SYT1: variants seen among roughly 807,000 people sequenced by gnomAD.
SYT1 encodes synaptotagmin 1, also known as synaptotagmin-1.
In SYT1, 8 loss-of-function variants were observed where a neutral mutation model predicts 44.8. The observed-to-expected ratio is 0.18, with a 90% CI of 0.10 to 0.32. The LOEUF is 0.32. SYT1 is among the 10% of genes least tolerant of loss of function. SYT1 has a pLI of 1.00. For synonymous variants in SYT1, 154 were observed against 188.8 expected (o/e 0.82, Z 1.51); for missense variants, 286 against 509.3 (o/e 0.56, Z 4.22).
intron 3 of SYT1, among the ~76,000 whole-genome samples, chr12:79,145,746 T>TG (rs1565825810): frequency 2.6e-4 from 34 of 129,020 alleles, no homozygotes; most frequent in African/African-American, 1.0e-3. Flanking sequence ...GGTTTTTTTT[T>TG]TTTTTTGTTT....
chr12:79,229,753 C>G (rs1875751541), intron 4 of SYT1, among the ~76,000 whole-genome samples: 1 of 152,008 alleles, frequency 6.6e-6, no homozygotes, highest in South Asian at 2.1e-4. Flanking sequence ...ACCACCATGC[C>G]TGGCTAATTT....
intron 3 of SYT1, among the ~76,000 whole-genome samples, chr12:79,190,035 T>C (rs946677347): frequency 1.3e-5 from 2 of 152,200 alleles, no homozygotes; most frequent in Non-Finnish European, 2.9e-5. Context: ...TATTTTGCCT[T>C]CCACTCTGGT....
At chr12:79,157,835 A>G (rs191758303) in intron 3 of SYT1, among the ~76,000 whole-genome samples, 3 of 152,304 alleles carry the variant, frequency 2.0e-5, no homozygotes, top group Admixed American at 2.0e-4. Context: ...GGTTGCTATT[A>G]TTATCCCCCA....
intron 9 of SYT1, among the ~76,000 whole-genome samples, chr12:79,412,808 C>T (rs980772584): frequency 1.3e-5 from 2 of 152,178 alleles, no homozygotes; most frequent in African/African-American, 2.4e-5. Context: ...TACATTGTTA[C>T]CCTACTATCT....
chr12:79,199,727 A>G (rs956202068), intron 3 of SYT1, among the ~76,000 whole-genome samples: 1 of 152,198 alleles, frequency 6.6e-6, no homozygotes, highest in Non-Finnish European at 1.5e-5. Flanking sequence ...GTTTATATCA[A>G]TATAAATACG....
At chr12:79,225,887 T>TC (rs1190298454) in intron 4 of SYT1, among the ~76,000 whole-genome samples, 1 of 152,152 alleles carries the variant, frequency 6.6e-6, no homozygotes, top group Non-Finnish European at 1.5e-5. Context: ...GTATTTCCTG[T>TC]CCCCCATCCT....
rs1451616047 is a variant in SYT1 at position 79,272,212 on chromosome 12, G to T, written c.167-13575G>T. ...CTTACCCAGTCTGATGAGAATAGAGGTGAGTGTGGGGGAACAGTGAGAAAT... is the reference window on the plus strand; with the variant it reads ...CTTACCCAGTCTGATGAGAATAGAGTTGAGTGTGGGGGAACAGTGAGAAAT... On this transcript the variant is annotated intron_variant, in intron 4 of 10. Coordinates refer to ENST00000261205, the MANE Select transcript of SYT1 (RefSeq NM_005639.3). Among the ~76,000 whole-genome samples, 3 of 152,338 alleles carry T rather than the reference G, an allele frequency of 2.0e-5. No homozygotes were observed. The East Asian group carries it at 5.8e-4, about 29-fold the overall frequency.
At chr12:79,078,786 G>T (rs765104633) in intron 3 of SYT1, among the ~76,000 whole-genome samples, 13 of 152,098 alleles carry the variant, frequency 8.5e-5, no homozygotes, top group Non-Finnish European at 1.3e-4. Flanking sequence ...ACATCAGTTT[G>T]TGTATACACA....
At chr12:79,055,049 G>T (rs577977925) in intron 3 of SYT1, among the ~76,000 whole-genome samples, 2 of 151,968 alleles carry the variant, frequency 1.3e-5, no homozygotes, top group South Asian at 4.1e-4. Context: ...ATATTCAAAT[G>T]CCAGCTCCAC....
chr12:78,870,022 C>T (rs1462921), intron 1 of SYT1, among the ~76,000 whole-genome samples: 100,575 of 151,870 alleles, frequency 0.66, 33,418 homozygotes, highest in Admixed American at 0.7. Flanking sequence ...ATATAAAACA[C>T]GCCTTCTATT....
intron 9 of SYT1, among the ~76,000 whole-genome samples, chr12:79,402,864 T>G (rs1306265322): frequency 2.0e-5 from 3 of 152,244 alleles, no homozygotes; most frequent in African/African-American, 7.2e-5. Context: ...CTCTTCTGGT[T>G]AAACCACAGT....
chr12:78,989,280 G>A (rs919874443), intron 2 of SYT1, among the ~76,000 whole-genome samples: 1 of 152,044 alleles, frequency 6.6e-6, no homozygotes, highest in Non-Finnish European at 1.5e-5. Flanking sequence ...ATCAAATTAG[G>A]ATTTGTATGA....
At chr12:79,167,822 A>AGAGG (rs1871302857) in intron 3 of SYT1, among the ~76,000 whole-genome samples, 1 of 152,012 alleles carries the variant, frequency 6.6e-6, no homozygotes, top group African/African-American at 2.4e-5. Flanking sequence ...TGGGGGATGC[A>AGAGG]GCGGGCTGGG....
chr12:79,288,651 C>G (rs576681664), intron 5 of SYT1, among the ~76,000 whole-genome samples: 1 of 152,102 alleles, frequency 6.6e-6, no homozygotes, highest in Admixed American at 6.5e-5. Context: ...TTTATGTGTT[C>G]TTTTGTATGT....
At chr12:79,365,238 T>C (rs1031239030) in intron 9 of SYT1, among the ~76,000 whole-genome samples, 1 of 152,084 alleles carries the variant, frequency 6.6e-6, no homozygotes. Context: ...CATTATTCTG[T>C]AATTATTTTT....
intron 8 of SYT1, among the ~76,000 whole-genome samples, chr12:79,349,662 A>G (rs1057036782): frequency 6.6e-6 from 1 of 152,186 alleles, no homozygotes; most frequent in Non-Finnish European, 1.5e-5. Flanking sequence ...TGACTTGGGT[A>G]TCTTCTTTTT....
intron 1 of SYT1, among the ~76,000 whole-genome samples, chr12:78,869,282 T>C (rs922579689): frequency 2.0e-5 from 3 of 151,962 alleles, no homozygotes; most frequent in African/African-American, 7.2e-5. Context: ...GCTAGTTTTA[T>C]ATGGACTGTA....
intron 2 of SYT1, among the ~76,000 whole-genome samples, chr12:78,998,619 A>G (rs897426127): frequency 1.3e-5 from 2 of 152,194 alleles, no homozygotes; most frequent in Non-Finnish European, 2.9e-5. Context: ...GTGTAGAATT[A>G]GTAGTGTTTA....
At chr12:79,250,785 C>T (rs1481273209) in intron 4 of SYT1, among the ~76,000 whole-genome samples, 1 of 152,090 alleles carries the variant, frequency 6.6e-6, no homozygotes, top group African/African-American at 2.4e-5. Flanking sequence ...AGCCACCTAC[C>T]CTGGCTTCCA....
Sources: gnomAD v4.1 joint callset for allele counts (sites outside exome capture counted in the v4.1 genomes callset) on GRCh38, gnomAD v4.1.1 for gene constraint, MANE v1.5 for transcripts, NCBI Gene and HGNC (gene_info 2026-07-23, HGNC 2026-07-21) for gene names.